Variants in TMEM132C observed in about 807,000 individuals in gnomAD.
TMEM132C encodes the protein transmembrane protein 132C.
In TMEM132C, 29 loss-of-function variants were observed where a neutral mutation model predicts 61.4. That is an observed-to-expected ratio of 0.47 (90% CI 0.35 to 0.64). TMEM132C has a LOEUF of 0.64. Ranked by LOEUF, TMEM132C falls within the 30% of genes least tolerant of loss-of-function variation. The probability of loss-of-function intolerance (pLI) is 0.00; values close to 1 mark genes in which losing one functional copy is unlikely to be tolerated. For missense variants in TMEM132C, 1,408 were observed against 1,476.9 expected (o/e 0.95, Z 0.76); for synonymous variants, 656 against 633.1 (o/e 1.04, Z -0.54).
chr12:128,547,507 T>C (rs546314708), intron 3 of TMEM132C, among the ~76,000 whole-genome samples: 2 of 145,578 alleles, frequency 1.4e-5, no homozygotes, highest in South Asian at 4.3e-4. Context: ...GAGCTTGCAG[T>C]GAGCTCAGAT....
intron 2 of TMEM132C, among the ~76,000 whole-genome samples, chr12:128,439,437 A>G (rs901326356): frequency 1.3e-5 from 2 of 152,172 alleles, no homozygotes; most frequent in African/African-American, 2.4e-5. Context: ...TTATGGAGAT[A>G]TGGGGGAGCA....
intron 1 of TMEM132C, among the ~76,000 whole-genome samples, chr12:128,354,929 T>G (rs753210311): frequency 4.6e-4 from 70 of 152,094 alleles, no homozygotes; most frequent in Non-Finnish European, 5.0e-4. Context: ...ATCACCCAGG[T>G]CAGGGGACAA....
rs1181048128 is a variant in TMEM132C at position 128,415,379 on chromosome 12, G to A, written c.733G>A (p.Asp245Asn). 1 of 1,553,006 alleles carries A rather than the reference G, an allele frequency of 6.4e-7. No individual in the cohort carries two copies. Among genetic ancestry groups the A allele is most frequent in the Non-Finnish European group, 8.7e-7 (1 of 1,146,994 alleles). The change falls in exon 2 of 9, where the codon GAC (aspartate) becomes AAC (asparagine). Residue 245 changes from aspartate (D) to asparagine (N), a missense_variant. Physicochemically the swap from Asp to Asn is conservative, Grantham distance 23 (BLOSUM62 1). Transcript: ENST00000435159. The surrounding 1 kb of genome is among the most constrained non-coding windows in gnomAD (Gnocchi z 5.8). Reference protein sequence around the residue: ...GNERGDCAGGDFRKGNAIRPG... With the variant: ...GNERGDCAGGNFRKGNAIRPG... ...CGAGCGAGGGGACTGTGCCGGGGGTGACTTCAGGAAGGGCAACGCCATCCG... is the reference window on the plus strand; with the variant it reads ...CGAGCGAGGGGACTGTGCCGGGGGTAACTTCAGGAAGGGCAACGCCATCCG...
At chr12:128,577,832 G>T (rs921938814) in intron 3 of TMEM132C, among the ~76,000 whole-genome samples, 2 of 152,176 alleles carry the variant, frequency 1.3e-5, no homozygotes, top group Non-Finnish European at 2.9e-5. Context: ...TGCCCTTGAT[G>T]CCTTATTAGA....
At chr12:128,340,110 C>A (rs745383440) in intron 1 of TMEM132C, among the ~76,000 whole-genome samples, 2 of 152,158 alleles carry the variant, frequency 1.3e-5, no homozygotes, top group Non-Finnish European at 2.9e-5. Context: ...GCTGTTGTTT[C>A]TTTTTTGCTT....
intron 4 of TMEM132C, among the ~76,000 whole-genome samples, chr12:128,641,150 A>G (rs898763387): frequency 6.6e-6 from 1 of 152,092 alleles, no homozygotes; most frequent in Non-Finnish European, 1.5e-5. Flanking sequence ...TGCCCCCTTC[A>G]CACAACTCCC....
At chr12:128,295,557 C>G (rs977728759) in intron 1 of TMEM132C, among the ~76,000 whole-genome samples, 4 of 124,984 alleles carry the variant, frequency 3.2e-5, no homozygotes, top group Admixed American at 3.1e-4. Context: ...CCTTCCACCC[C>G]CTCCCCTGGG....
chr12:128,388,837 G>A (rs186471162), intron 1 of TMEM132C, among the ~76,000 whole-genome samples: 1 of 152,370 alleles, frequency 6.6e-6, no homozygotes, highest in East Asian at 1.9e-4. Context: ...ATAACGGGGA[G>A]GATCTTGTTT....
intron 3 of TMEM132C, among the ~76,000 whole-genome samples, chr12:128,599,973 G>C (rs913934969): frequency 6.6e-6 from 1 of 151,896 alleles, no homozygotes; most frequent in African/African-American, 2.4e-5. Flanking sequence ...ATGGTTTTTT[G>C]TTTTTTGTTT....
chr12:128,612,706 G>A (rs908043223), intron 3 of TMEM132C, among the ~76,000 whole-genome samples: 2 of 152,218 alleles, frequency 1.3e-5, no homozygotes, highest in Non-Finnish European at 2.9e-5. Context: ...TAACAGTCAC[G>A]TGTTATTTTT....
intron 1 of TMEM132C, among the ~76,000 whole-genome samples, chr12:128,377,418 G>C (rs978144506): frequency 2.0e-5 from 3 of 152,180 alleles, no homozygotes; most frequent in African/African-American, 7.2e-5. Flanking sequence ...TACAGAACCT[G>C]CCTACCACGT....
intron 3 of TMEM132C, among the ~76,000 whole-genome samples, chr12:128,588,282 A>T (rs59419347): frequency 0.08 from 12,131 of 152,134 alleles, 620 homozygotes; most frequent in African/African-American, 0.14. Flanking sequence ...AAAAATTTTT[A>T]AAAGTTAGGT....
At position 128,278,745 on chromosome 12, in the gene TMEM132C, CGTGTAT is replaced by C. The variant is rs1186647144; in HGVS notation, c.85+11263_85+11268del. Among the ~76,000 whole-genome samples the C allele has an allele frequency of 0.035, 4,799 of 135,636 alleles. 63 individuals are homozygous for C. Among genetic ancestry groups the C allele is most frequent in the African/African-American group, 0.043 (1,447 of 33,622 alleles). The allele number at this position is 135,636 out of a possible 152,430, so 89.0% of individuals were successfully genotyped here. On this transcript the variant is annotated intron_variant, in intron 1 of 8. Coordinates refer to ENST00000435159, the MANE Select transcript of TMEM132C (RefSeq NM_001136103.3). The surrounding 1 kb of genome is among the most constrained non-coding windows in gnomAD (Gnocchi z 4.2). ...ATATTTGTGCAGACTTGATTCTATA[CGTGTAT>C]GTGTGTGTGTGTGTGTGTGTGTGTG... is the stretch of plus-strand genomic sequence containing the variant.
rs143914893 is a variant in TMEM132C, at chr12:128,541,520, C to T, written c.975-2437C>T. 5.6e-3 allele frequency among the ~76,000 whole-genome samples: 850 copies of T among 152,274 alleles called. 6 individuals are homozygous for T. Among genetic ancestry groups the T allele is most frequent in the African/African-American group, 0.019 (805 of 41,562 alleles). On this transcript the variant is annotated intron_variant, in intron 2 of 8. Transcript: ENST00000435159. ...CTGTAATCCCAGCCACCAGTCACCT[C>T]CTTAGTGCACAAGAAGACATCACTA...
At chr12:128,606,834 A>G (rs532475740) in intron 3 of TMEM132C, among the ~76,000 whole-genome samples, 84 of 152,348 alleles carry the variant, frequency 5.5e-4, no homozygotes, top group African/African-American at 2.0e-3. Flanking sequence ...TATATTGACA[A>G]GCTTTTCAGA....
chr12:128,452,652 T>C (rs1487345087), intron 2 of TMEM132C, among the ~76,000 whole-genome samples: 1 of 151,360 alleles, frequency 6.6e-6, no homozygotes, highest in Non-Finnish European at 1.5e-5. Context: ...TTCAGTGAGC[T>C]GAGATCACAC....
At chr12:128,448,880 A>C (rs115904946) in intron 2 of TMEM132C, among the ~76,000 whole-genome samples, 1 of 152,036 alleles carries the variant, frequency 6.6e-6, no homozygotes. Flanking sequence ...GTCATATTTT[A>C]AAAATTAAGA....
chr12:128,677,911 G>A (rs10773563), intron 5 of TMEM132C, among the ~76,000 whole-genome samples: 69,389 of 152,094 alleles, frequency 0.46, 15,935 homozygotes, highest in Middle Eastern at 0.51. Flanking sequence ...AGGTGCCTGC[G>A]TTAGCTCCGG....
chr12:128,596,305 G>A (rs1001609775), intron 3 of TMEM132C, among the ~76,000 whole-genome samples: 1 of 147,508 alleles, frequency 6.8e-6, no homozygotes, highest in African/African-American at 2.5e-5. Context: ...TGGTACAGAG[G>A]CGGCAGGGCT....
Sources: allele counts gnomAD v4.1 joint callset (sites outside exome capture counted in the v4.1 genomes callset), GRCh38; gene constraint gnomAD v4.1.1; non-coding constraint Gnocchi (gnomAD v3.1); transcripts MANE v1.5; gene names NCBI Gene and HGNC (gene_info 2026-07-23, HGNC 2026-07-21).